GALNT13: variants seen among roughly 807,000 people sequenced by gnomAD.
GALNT13 encodes the protein polypeptide N-acetylgalactosaminyltransferase 13.
A neutral mutation model predicts 64.2 loss-of-function variants in GALNT13; 28 were observed. That is an observed-to-expected ratio of 0.44 (90% CI 0.32 to 0.60). The LOEUF (loss-of-function observed/expected upper bound fraction) is 0.60, where lower values mean the gene tolerates loss of function less well. Ranked by LOEUF, GALNT13 falls within the 20% of genes least tolerant of loss-of-function variation. The pLI is 0.05. For missense variants in GALNT13, 577 were observed against 669.8 expected (o/e 0.86, Z 1.53); for synonymous variants, 214 against 224.6 (o/e 0.95, Z 0.42).
chr2:154,444,973 A>T (rs925954793), intron 12 of GALNT13, among the ~76,000 whole-genome samples: 5 of 152,058 alleles, frequency 3.3e-5, no homozygotes, highest in African/African-American at 1.2e-4. Flanking sequence ...AATTGTATAA[A>T]TACATAAAAT....
chr2:154,280,674 C>T (rs1691914896), intron 8 of GALNT13, among the ~76,000 whole-genome samples: 1 of 152,118 alleles, frequency 6.6e-6, no homozygotes, highest in Non-Finnish European at 1.5e-5. Flanking sequence ...GCAAGAGATG[C>T]CATATATTGC....
At chr2:153,879,370 G>A (rs1340907632) in intron 1 of GALNT13, among the ~76,000 whole-genome samples, 1 of 151,730 alleles carries the variant, frequency 6.6e-6, no homozygotes, top group Non-Finnish European at 1.5e-5. Context: ...GTGTGTGTGT[G>A]TGTGTGTGTG....
At chr2:153,181,316 G>A in the GALNT13 span, among the ~76,000 whole-genome samples, 6 of 149,378 alleles carry the variant, frequency 4.0e-5, no homozygotes, top group Middle Eastern at 3.5e-3. Context: ...ATTTTTTGAC[G>A]TTTTACTTAT....
At chr2:153,987,447 A>T (rs1040070298) in intron 3 of GALNT13, among the ~76,000 whole-genome samples, 40 of 152,088 alleles carry the variant, frequency 2.6e-4, no homozygotes, top group African/African-American at 8.7e-4. Context: ...GATACAAAGT[A>T]GATAAATATT....
At chr2:154,015,159 C>G (rs1696922385) in intron 3 of GALNT13, among the ~76,000 whole-genome samples, 1 of 151,980 alleles carries the variant, frequency 6.6e-6, no homozygotes, top group African/African-American at 2.4e-5. Flanking sequence ...TATGGTACTT[C>G]TTTTCTAATA....
At chr2:154,409,962 A>G (rs777622530) in intron 11 of GALNT13, among the ~76,000 whole-genome samples, 3 of 151,944 alleles carry the variant, frequency 2.0e-5, no homozygotes, top group Non-Finnish European at 4.4e-5. Flanking sequence ...GGCGCACCAT[A>G]CTTCAAACAG....
At chr2:154,150,462 T>G (rs1416158694) in intron 4 of GALNT13, among the ~76,000 whole-genome samples, 5 of 152,264 alleles carry the variant, frequency 3.3e-5, no homozygotes, top group African/African-American at 9.6e-5. Context: ...TTAGGGAGGA[T>G]TCCCTCTTTG....
At chr2:153,932,514 C>T (rs1690600271) in intron 2 of GALNT13, among the ~76,000 whole-genome samples, 1 of 151,582 alleles carries the variant, frequency 6.6e-6, no homozygotes, top group South Asian at 2.1e-4. Context: ...TTCTTGATTT[C>T]TACCTTAATT....
Position 154,392,637 on chromosome 2 carries a change from AGC to A in GALNT13, c.1157-3353_1157-3352del, listed in dbSNP as rs1249257838. On this transcript the variant is annotated intron_variant, in intron 9 of 12. Coordinates refer to ENST00000392825, the MANE Select transcript of GALNT13 (RefSeq NM_052917.4). ...TGAGTATAAATGAATTCAAAAAGCC[AGC>A]CAAGAGCTATTTTCTAAAGGATCTT... Among the ~76,000 whole-genome samples the A allele has an allele frequency of 2.6e-5, 4 of 152,360 alleles. No individual in the cohort carries two copies. In the East Asian group the frequency reaches 7.7e-4, roughly 29 times the overall value.
At chr2:153,913,180 A>T (rs1330880663) in intron 2 of GALNT13, among the ~76,000 whole-genome samples, 2 of 151,960 alleles carry the variant, frequency 1.3e-5, no homozygotes. Flanking sequence ...TTCCCTGCCT[A>T]GTTTCACTTT....
At chr2:154,314,716 A>G (rs887292713) in intron 9 of GALNT13, among the ~76,000 whole-genome samples, 1 of 152,146 alleles carries the variant, frequency 6.6e-6, no homozygotes, top group African/African-American at 2.4e-5. Context: ...CAGGGAAACT[A>G]ATTGAGTGAG....
chr2:153,269,133 C>T, the GALNT13 span, among the ~76,000 whole-genome samples: 1 of 152,250 alleles, frequency 6.6e-6, no homozygotes, highest in East Asian at 1.9e-4. Context: ...TTCTTTTCTA[C>T]CTTGTGGTCA....
chr2:153,766,586 G>A, the GALNT13 span, among the ~76,000 whole-genome samples: 1 of 152,014 alleles, frequency 6.6e-6, no homozygotes, highest in East Asian at 1.9e-4. Context: ...GTTAATTTCA[G>A]ATATTCTGTC....
At chr2:153,448,950 A>G in the GALNT13 span, among the ~76,000 whole-genome samples, 2 of 152,164 alleles carry the variant, frequency 1.3e-5, no homozygotes, top group East Asian at 1.9e-4. Context: ...TAGTATCCTT[A>G]TAAGAGACAC....
chr2:153,655,397 T>C, the GALNT13 span, among the ~76,000 whole-genome samples: 1 of 152,128 alleles, frequency 6.6e-6, no homozygotes, highest in Non-Finnish European at 1.5e-5. Flanking sequence ...AATTTTAGTA[T>C]CCCTGACAAC....
chr2:154,188,452 T>C (rs954015445), intron 4 of GALNT13, among the ~76,000 whole-genome samples: 2 of 152,202 alleles, frequency 1.3e-5, no homozygotes, highest in African/African-American at 4.8e-5. Context: ...GATGTATCCA[T>C]GCTGAATAAA....
chr2:153,702,369 C>A, the GALNT13 span, among the ~76,000 whole-genome samples: 1 of 151,732 alleles, frequency 6.6e-6, no homozygotes, highest in Non-Finnish European at 1.5e-5. Context: ...GGGGAGGGAA[C>A]CAAGATGATG....
At chr2:153,069,363 A>G in the GALNT13 span, among the ~76,000 whole-genome samples, 6 of 152,172 alleles carry the variant, frequency 3.9e-5, no homozygotes, top group Non-Finnish European at 7.3e-5. Flanking sequence ...CTCGCACGCC[A>G]TCTTACCTGG....
At chr2:153,130,019 C>T in the GALNT13 span, among the ~76,000 whole-genome samples, 2 of 152,158 alleles carry the variant, frequency 1.3e-5, no homozygotes, top group South Asian at 2.1e-4. Flanking sequence ...GAGGAAAGCA[C>T]GTACTTGGGC....
Sources: allele counts gnomAD v4.1 joint callset (sites outside exome capture counted in the v4.1 genomes callset), GRCh38; gene constraint gnomAD v4.1.1; transcripts MANE v1.5; gene names NCBI Gene and HGNC (gene_info 2026-07-23, HGNC 2026-07-21).